The following FAM120A variants were observed in gnomAD, a reference collection of about 807,000 sequenced individuals.
FAM120A encodes constitutive coactivator of PPAR-gamma-like protein 1.
A neutral mutation model predicts 109.7 loss-of-function variants in FAM120A; 15 were observed. That is an observed-to-expected ratio of 0.14 (90% CI 0.09 to 0.21). FAM120A has a LOEUF of 0.21. FAM120A is among the 10% of genes least tolerant of loss of function. The probability of loss-of-function intolerance (pLI) is 1.00; values close to 1 mark genes in which losing one functional copy is unlikely to be tolerated. For missense variants in FAM120A, 899 were observed against 1,439.3 expected, an observed-to-expected ratio of 0.62 and a Z score of 6.07; for synonymous variants, 493 against 572.8, an observed-to-expected ratio of 0.86 and a Z score of 1.99.
Position 93,529,495 on chromosome 9 carries a change from C to T in FAM120A, c.1649C>T (p.Pro550Leu), listed in dbSNP as rs1230370530. 3 of 1,614,226 alleles carry T rather than the reference C, an allele frequency of 1.9e-6. No homozygotes were observed. The highest frequency in any genetic ancestry group is 3.3e-4 in the Middle Eastern group (2 of 6,062). Residue 550 changes from proline (P) to leucine (L), a missense_variant, in exon 9 of 18, where the codon CCC becomes CTC. By Grantham distance (98) the Pro-to-Leu change is moderately conservative. Around this residue, in one of 11 missense-constraint regions of FAM120A, gnomAD observed 133 missense variants for 276.6 expected, o/e 0.48. Transcript: ENST00000277165. ...HMDITTPPLP[P>L]VAPEVLRVAE... is the part of the protein sequence containing the mutation. Reference sequence around the variant, plus strand: ...GACATCACCACACCTCCCCTGCCCCCCGTCGCACCTGAGGTGCTGAGAGTG... The same window carrying T: ...GACATCACCACACCTCCCCTGCCCCTCGTCGCACCTGAGGTGCTGAGAGTG...
intron 11 of FAM120A, among the ~76,000 whole-genome samples, chr9:93,543,991 G>T (rs1564354648): frequency 6.6e-6 from 1 of 152,130 alleles, no homozygotes; most frequent in Non-Finnish European, 1.5e-5. Context: ...TGTGAAAAAG[G>T]TACAGTCAAA....
intron 1 of FAM120A, among the ~76,000 whole-genome samples, chr9:93,462,360 A>G (rs1430716782): frequency 6.9e-6 from 1 of 145,732 alleles, no homozygotes; most frequent in East Asian, 2.0e-4. Flanking sequence ...AGCCCACTGC[A>G]ACCTCTGCCT....
intron 7 of FAM120A, among the ~76,000 whole-genome samples, chr9:93,520,694 C>CAACATTGGTGG (rs1174032214): frequency 6.6e-6 from 1 of 152,148 alleles, no homozygotes; most frequent in Non-Finnish European, 1.5e-5. Flanking sequence ...TGCATTGCAG[C>CAACATTGGTGG]AACATTGGTG....
intron 3 of FAM120A, among the ~76,000 whole-genome samples, chr9:93,482,184 A>AT (rs386415495): frequency 0.01 from 1,198 of 118,328 alleles, 21 homozygotes; most frequent in African/African-American, 0.021. Context: ...ATTCACCTCC[A>AT]TTTTTTTTTT....
intron 10 of FAM120A, 49 bp from the exon 11 acceptor site, chr9:93,543,173 C>T: frequency 6.3e-7 from 1 of 1,587,234 alleles, no homozygotes; most frequent in East Asian, 2.2e-5. Flanking sequence ...AGACTGAAAG[C>T]AGGTGAATGA....
chr9:93,456,953 T>A (rs530857780), intron 1 of FAM120A, among the ~76,000 whole-genome samples: 1 of 152,354 alleles, frequency 6.6e-6, no homozygotes, highest in South Asian at 2.1e-4. Flanking sequence ...GACCATATTA[T>A]ACCTCAAACT....
Position 93,532,902 on chromosome 9 carries a change from G to A in FAM120A, c.1909+573G>A, listed in dbSNP as rs548397500. Among the ~76,000 whole-genome samples, 1 of 152,330 alleles carries A rather than the reference G, an allele frequency of 6.6e-6. No homozygotes were observed. The highest frequency in any genetic ancestry group is 1.9e-4 in the East Asian group (1 of 5,190). On this transcript the variant is annotated intron_variant, in intron 10 of 17. Transcript: ENST00000277165. The surrounding 1 kb of genome is among the most constrained non-coding windows in gnomAD (Gnocchi z 4.3). Reference sequence around the variant, plus strand: ...CCAGCTGATCAACTCTGGGAGTGGGGGGTGCAGGTGGAAACACTGAAAAGG... The same window carrying A: ...CCAGCTGATCAACTCTGGGAGTGGGAGGTGCAGGTGGAAACACTGAAAAGG...
At chr9:93,453,773 T>G (rs1382433372) in intron 1 of FAM120A, among the ~76,000 whole-genome samples, 1 of 152,188 alleles carries the variant, frequency 6.6e-6, no homozygotes, top group Non-Finnish European at 1.5e-5. Context: ...CCTGGGGCGC[T>G]CAGGGAAGTA....
chr9:93,520,785 G>C (rs1054536607), intron 7 of FAM120A, among the ~76,000 whole-genome samples: 1 of 152,204 alleles, frequency 6.6e-6, no homozygotes, highest in Non-Finnish European at 1.5e-5. Context: ...ATATGCTCTT[G>C]TAACCCCAAG....
chr9:93,492,839 G>T (rs1401652073), intron 3 of FAM120A, among the ~76,000 whole-genome samples: 1 of 152,204 alleles, frequency 6.6e-6, no homozygotes, highest in African/African-American at 2.4e-5. Context: ...ATGTTGTAGG[G>T]CTGGGGATAG....
At chr9:93,485,646 A>G (rs1351265905) in intron 3 of FAM120A, among the ~76,000 whole-genome samples, 1 of 152,126 alleles carries the variant, frequency 6.6e-6, no homozygotes, top group Admixed American at 6.5e-5. Flanking sequence ...AGTCCCAGCT[A>G]TGTCCAGCAT....
At chr9:93,545,291 A>G (rs981551034) in intron 11 of FAM120A, among the ~76,000 whole-genome samples, 5 of 151,790 alleles carry the variant, frequency 3.3e-5, no homozygotes, top group African/African-American at 7.3e-5. Flanking sequence ...CCACCCCAAC[A>G]TTGCTGTTGT....
intron 3 of FAM120A, among the ~76,000 whole-genome samples, chr9:93,478,986 G>C (rs1038825777): frequency 1.3e-5 from 2 of 151,366 alleles, no homozygotes; most frequent in African/African-American, 4.9e-5. Flanking sequence ...AATTTGGATA[G>C]TTGTTACATA....
intron 7 of FAM120A, among the ~76,000 whole-genome samples, chr9:93,524,539 T>C (rs1860985073): frequency 6.6e-6 from 1 of 152,204 alleles, no homozygotes; most frequent in Non-Finnish European, 1.5e-5. Flanking sequence ...CCCCATCCTA[T>C]AGTGCTGGGC....
At chr9:93,477,833 A>C (rs958078097) in intron 3 of FAM120A, among the ~76,000 whole-genome samples, 2 of 152,260 alleles carry the variant, frequency 1.3e-5, no homozygotes, top group Non-Finnish European at 2.9e-5. Context: ...AGCTCAATCT[A>C]TTGCCAAGTG....
intron 12 of FAM120A, among the ~76,000 whole-genome samples, chr9:93,554,154 C>CAT (rs1554786193): frequency 1.3e-5 from 2 of 150,138 alleles, no homozygotes; most frequent in Non-Finnish European, 3.0e-5. Context: ...CACACACACA[C>CAT]ACACACACAC....
At chr9:93,482,205 G>A (rs1238625966) in intron 3 of FAM120A, among the ~76,000 whole-genome samples, 1 of 83,436 alleles carries the variant, frequency 1.2e-5, no homozygotes, top group Admixed American at 1.4e-4. Context: ...TTTTTTTTTG[G>A]GAGACGGAGT....
At chr9:93,522,594 C>T (rs1299176926) in intron 7 of FAM120A, among the ~76,000 whole-genome samples, 1 of 152,156 alleles carries the variant, frequency 6.6e-6, no homozygotes, top group African/African-American at 2.4e-5. Flanking sequence ...AAATTACTGA[C>T]ATTTTTAAAT....
chr9:93,540,884 T>G (rs1861673552), intron 10 of FAM120A, among the ~76,000 whole-genome samples: 1 of 151,978 alleles, frequency 6.6e-6, no homozygotes, highest in Non-Finnish European at 1.5e-5. Context: ...AAAACATGAA[T>G]GATTGCTAAA....
Sources: gnomAD v4.1 joint callset for allele counts (sites outside exome capture counted in the v4.1 genomes callset) on GRCh38, gnomAD v4.1.1 for gene constraint, gnomAD v4.1.1 regional missense constraint, Gnocchi (gnomAD v3.1) non-coding constraint, MANE v1.5 for transcripts, NCBI Gene and HGNC (gene_info 2026-07-23, HGNC 2026-07-21) for gene names.